CHRM3: variants seen among roughly 807,000 people sequenced by gnomAD.
The protein encoded by CHRM3 is muscarinic acetylcholine receptor M3.
In CHRM3, 11 loss-of-function variants were observed where a neutral mutation model predicts 41.8. That is an observed-to-expected ratio of 0.26 (90% confidence interval 0.17 to 0.44). The LOEUF (loss-of-function observed/expected upper bound fraction) is 0.44. Ranked by LOEUF, CHRM3 falls within the 20% of genes least tolerant of loss-of-function variation. The pLI is 1.00. For synonymous variants in CHRM3, 297 were observed against 301.4 expected (o/e 0.99, Z 0.15); for missense variants, 571 against 745.4 (o/e 0.77, Z 2.72).
intron 1 of CHRM3, among the ~76,000 whole-genome samples, chr1:239,462,337 G>A (rs1320529646): frequency 3.3e-5 from 5 of 152,230 alleles, no homozygotes; most frequent in South Asian, 4.2e-4. Context: ...TCATATCCAC[G>A]AGAACCAGTT....
chr1:239,449,720 A>C (rs895894166), intron 1 of CHRM3, among the ~76,000 whole-genome samples: 1 of 150,574 alleles, frequency 6.6e-6, no homozygotes, highest in African/African-American at 2.5e-5. Flanking sequence ...TTTAGGATGA[A>C]TTGTCACATT....
At chr1:239,608,278 G>T (rs1246227114) in intron 3 of CHRM3, among the ~76,000 whole-genome samples, 1 of 152,124 alleles carries the variant, frequency 6.6e-6, no homozygotes, top group African/African-American at 2.4e-5. Flanking sequence ...GTAGGTGTAG[G>T]ATGCAGCCCA....
At chr1:239,393,532 A>G (rs1029098534) in intron 1 of CHRM3, among the ~76,000 whole-genome samples, 2 of 152,182 alleles carry the variant, frequency 1.3e-5, no homozygotes, top group African/African-American at 4.8e-5. Context: ...TGGAATGGCC[A>G]TGATGTTTCT....
intron 2 of CHRM3, among the ~76,000 whole-genome samples, chr1:239,493,870 T>C (rs1010175769): frequency 1.3e-5 from 2 of 152,180 alleles, no homozygotes; most frequent in Admixed American, 1.3e-4. Flanking sequence ...AATTGGGGCT[T>C]AGCCCAGGAG....
At chr1:239,632,777 C>T (rs573758434) in intron 4 of CHRM3, among the ~76,000 whole-genome samples, 13 of 152,288 alleles carry the variant, frequency 8.5e-5, no homozygotes, top group African/African-American at 2.9e-4. Flanking sequence ...TTTTATCTAT[C>T]CAGCAAACAC....
At chr1:239,689,546 T>C (rs1659507875) in intron 5 of CHRM3, among the ~76,000 whole-genome samples, 1 of 152,210 alleles carries the variant, frequency 6.6e-6, no homozygotes, top group Non-Finnish European at 1.5e-5. Flanking sequence ...CATACAGTTA[T>C]GCCTCAAATG....
chr1:239,470,219 G>A (rs761681663), intron 1 of CHRM3, among the ~76,000 whole-genome samples: 6 of 152,158 alleles, frequency 3.9e-5, no homozygotes, highest in Non-Finnish European at 4.4e-5. Context: ...GAAGCCTATA[G>A]TGATGCTGCT....
chr1:239,898,020 C>T (rs1472599753), intron 6 of CHRM3: 1 of 152,156 alleles, frequency 6.6e-6, no homozygotes, highest in African/African-American at 2.4e-5. Context: ...AAAAAATTCC[C>T]CTTTTTAAAT....
At chr1:239,633,311 G>A (rs910811676) in intron 4 of CHRM3, among the ~76,000 whole-genome samples, 18 of 152,220 alleles carry the variant, frequency 1.2e-4, no homozygotes, top group Admixed American at 3.9e-4. Flanking sequence ...GGGAGAGGGT[G>A]CGGAGGAAAC....
chr1:239,908,853 G>A lies in CHRM3; in HGVS notation c.1402G>A (p.Ala468Thr), dbSNP rs749448205. 2.5e-6 allele frequency: 4 copies of A among 1,614,150 alleles called. No individual in the cohort carries two copies. Among genetic ancestry groups the A allele is most frequent in the South Asian group, 2.2e-5 (2 of 91,076 alleles). The change falls in exon 7 of 7, where the codon GCT becomes ACT. Residue 468 changes from alanine to threonine, a missense_variant. This residue lies in a region of CHRM3 where 239 missense variants were observed against 239.6 expected (regional missense o/e 1.00). Coordinates refer to ENST00000676153, the MANE Select transcript of CHRM3 (RefSeq NM_001375978.1). This position sits in a 1 kb window ranked among gnomAD's most constrained non-coding sequence, Gnocchi z 7.2. ...FKEATLAKRF[A>T]LKTRSQITKR... ...GGAAGCCACTCTGGCCAAGAGGTTT[G>A]CTCTGAAGACCAGAAGTCAGATCAC...
At chr1:239,846,089 C>CT (rs574065669) in intron 6 of CHRM3, among the ~76,000 whole-genome samples, 128 of 147,208 alleles carry the variant, frequency 8.7e-4, no homozygotes, top group African/African-American at 1.8e-3. Context: ...AAACTTACAA[C>CT]TTTTTTTTTT....
At chr1:239,532,731 TA>T (rs1195630609) in intron 2 of CHRM3, among the ~76,000 whole-genome samples, 2 of 151,998 alleles carry the variant, frequency 1.3e-5, no homozygotes, top group Non-Finnish European at 1.5e-5. Context: ...AGTATGATAG[TA>T]ATTAAGAATA....
chr1:239,544,627 G>T (rs72756751), intron 2 of CHRM3, among the ~76,000 whole-genome samples: 4,028 of 152,244 alleles, frequency 0.026, 63 homozygotes, highest in Middle Eastern at 0.041. Context: ...AAAAATAGAT[G>T]CCAATGCCTA....
chr1:239,585,061 A>ATG (rs2148608241), intron 3 of CHRM3, among the ~76,000 whole-genome samples: 1 of 149,858 alleles, frequency 6.7e-6, no homozygotes, highest in Non-Finnish European at 1.5e-5. Context: ...AAATATATAT[A>ATG]TATATATATA....
intron 1 of CHRM3, among the ~76,000 whole-genome samples, chr1:239,476,273 CT>C (rs1666462240): frequency 6.6e-6 from 1 of 152,058 alleles, no homozygotes; most frequent in Non-Finnish European, 1.5e-5. Context: ...CGAAACCAGT[CT>C]TGCCAACGTG....
chr1:239,634,392 A>AGAAAGAAAGAAAG (rs1670227178), intron 4 of CHRM3, among the ~76,000 whole-genome samples: 23 of 150,212 alleles, frequency 1.5e-4, no homozygotes, highest in African/African-American at 5.4e-4. Flanking sequence ...AAAGAAAGAA[A>AGAAAGAAAGAAAG]GAAAGAAAGA....
intron 5 of CHRM3, among the ~76,000 whole-genome samples, chr1:239,753,053 G>C (rs1665960544): frequency 6.6e-6 from 1 of 152,146 alleles, no homozygotes; most frequent in African/African-American, 2.4e-5. Flanking sequence ...TCTGCCTCAG[G>C]TAGAGGGCAA....
chr1:239,433,943 TC>T (rs1249514173), intron 1 of CHRM3, among the ~76,000 whole-genome samples: 3 of 152,214 alleles, frequency 2.0e-5, no homozygotes, highest in Admixed American at 2.0e-4. Context: ...GGTATCTTTT[TC>T]ATATAGTGAC....
intron 6 of CHRM3, chr1:239,886,117 T>G (rs1403556601): frequency 6.6e-6 from 1 of 152,174 alleles, no homozygotes; most frequent in African/African-American, 2.4e-5. Flanking sequence ...TGGTGATATT[T>G]TTGAGAAAGT....
Sources: gnomAD v4.1 joint callset for allele counts (sites outside exome capture counted in the v4.1 genomes callset) on GRCh38, gnomAD v4.1.1 for gene constraint, gnomAD v4.1.1 regional missense constraint, Gnocchi (gnomAD v3.1) non-coding constraint, MANE v1.5 for transcripts, NCBI Gene and HGNC (gene_info 2026-07-23, HGNC 2026-07-21) for gene names.